MYO15B: variants seen among roughly 807,000 people sequenced by gnomAD.
MYO15B encodes myosin XVB, also known as myosin XVB pseudogene.
Under a neutral mutation model 119.3 loss-of-function variants are expected in MYO15B, and 207 were observed. That is an observed-to-expected ratio of 1.73 (90% CI 1.55 to 1.95). MYO15B has a LOEUF of 1.95. Ranked by LOEUF, MYO15B falls within the 30% of genes most tolerant of loss-of-function variation. The pLI, the probability that MYO15B is intolerant of heterozygous loss-of-function variation, is 0.00. For missense variants in MYO15B, 2,264 were observed against 1,203.1 expected (o/e 1.88, Z -13.04); for synonymous variants, 966 against 498.9 (o/e 1.94, Z -12.48).
chr17:75,612,995 G>A (rs908260315), exon 27 of MYO15B: 39 of 692,586 alleles, frequency 5.6e-5, no homozygotes, highest in African/African-American at 1.2e-4. Flanking sequence ...CCTGGGGGAC[G>A]GATCCCTGGA....
At chr17:75,603,099 C>T in intron 18 of MYO15B, 22 bp downstream of exon 18, 1 of 703,254 alleles carries the variant, frequency 1.4e-6, no homozygotes. Context: ...AGCAACTGGC[C>T]TCAGGGCCCT....
chr17:75,589,196 T>TGCGGCGGCGGCTGCGGCTGCG lies in MYO15B; in HGVS notation c.1148_1168dup (p.Arg383_Arg389dup). 6.1e-6 allele frequency: 2 copies of TGCGGCGGCGGCTGCGGCTGCG among 329,362 alleles called. No homozygotes were observed. Among genetic ancestry groups the TGCGGCGGCGGCTGCGGCTGCG allele is most frequent in the Non-Finnish European group, 1.1e-5 (2 of 189,442 alleles). 20.4% of individuals were successfully genotyped at this position (329,362 alleles called of 1,614,324 possible). A position where few individuals can be genotyped will look rare whatever the true frequency, so the allele number is the denominator to read the frequency against. ...CGAGCCCTGGGCCTCCTGCGCTGGC[T>TGCGGCGGCGGCTGCGGCTGCG]GCGGCGGCGGCTGCGGCTGCGGCGG... On this transcript the variant is annotated inframe_insertion, in exon 1 of 64. Transcript: ENST00000645453. The surrounding 1 kb of genome is among the most constrained non-coding windows in gnomAD (Gnocchi z 4.2).
Position 75,616,164 on chromosome 17 carries a change from T to G in MYO15B, c.6109+17T>G. ...AGAGGATGGGTGAGGGCACTTGGGGTGGCAGGACCGTGCAGAAACATGGCC... is the reference window on the plus strand; with the variant it reads ...AGAGGATGGGTGAGGGCACTTGGGGGGGCAGGACCGTGCAGAAACATGGCC... On this transcript the variant is annotated intron_variant, in intron 37 of 63. Coordinates refer to ENST00000645453, the Ensembl canonical transcript of MYO15B. The G allele has an allele frequency of 1.8e-6, 1 of 564,816 alleles. No homozygotes were observed. Among genetic ancestry groups the G allele is most frequent in the Admixed American group, 3.5e-5 (1 of 28,754 alleles). The allele number at this position is 564,816 out of a possible 1,614,324, so 35.0% of individuals were successfully genotyped here.
intron 4 of MYO15B, 96 bp from the exon 5 acceptor site, chr17:75,591,505 G>C: frequency 1.5e-6 from 1 of 687,514 alleles, no homozygotes. Flanking sequence ...CTCCAGGCTA[G>C]CTGTCACTTC....
At chr17:75,604,230 A>C (rs2057470397) in intron 19 of MYO15B, among the ~76,000 whole-genome samples, 4 of 152,136 alleles carry the variant, frequency 2.6e-5, no homozygotes, top group Admixed American at 2.0e-4. Context: ...TGAGCCCGGA[A>C]GCTGGGTGAG....
intron 21 of MYO15B, among the ~76,000 whole-genome samples, chr17:75,607,541 G>T (rs2057736287): frequency 6.6e-6 from 1 of 151,334 alleles, no homozygotes; most frequent in Non-Finnish European, 1.5e-5. Context: ...ACCTCTGCCT[G>T]CCAGGTTCAA....
chr17:75,605,401 T>TACGC (rs2057572105), intron 19 of MYO15B, 103 bp from the exon 20 acceptor site: 25 of 623,232 alleles, frequency 4.0e-5, no homozygotes, highest in Non-Finnish European at 8.6e-6. Context: ...CGCGCCACTG[T>TACGC]ACTCCCGCCT....
rs535156968 is a variant in MYO15B, at chr17:75,601,594, ATCAGCGAGGGCAGTGTCCCC to A, written c.3651+34_3651+53del. ...TGGCCTCAGGGACAGACCAGGGTGA[ATCAGCGAGGGCAGTGTCCCC>A]TCCCAAGCTGAGTCACCCGACAGCG... On this transcript the variant is annotated intron_variant, in intron 15 of 63. Transcript: ENST00000645453. 6.3e-5 allele frequency: 44 copies of A among 699,506 alleles called. 1 individual carries two copies. The African/African-American group carries it at 6.8e-4, about 11-fold the overall frequency. The allele number at this position is 699,506 out of a possible 1,614,324, so 43.3% of individuals were successfully genotyped here. A position where few individuals can be genotyped will look rare whatever the true frequency, so the allele number is the denominator to read the frequency against.
At chr17:75,608,675 A>G (rs2057809015) in intron 21 of MYO15B, among the ~76,000 whole-genome samples, 1 of 152,082 alleles carries the variant, frequency 6.6e-6, no homozygotes, top group Non-Finnish European at 1.5e-5. Flanking sequence ...TTCGTGCCTC[A>G]GCCTCTGGAG....
chr17:75,600,218 G>A (rs1456231670), intron 14 of MYO15B, among the ~76,000 whole-genome samples: 3 of 151,658 alleles, frequency 2.0e-5, no homozygotes, highest in East Asian at 3.9e-4. Flanking sequence ...TAGTAAAGAC[G>A]GGGTTTCACC....
exon 42 of MYO15B, chr17:75,617,839 G>A (rs757214727): frequency 1.4e-6 from 1 of 702,904 alleles, no homozygotes; most frequent in South Asian, 1.5e-5. Flanking sequence ...GGACCAGGGG[G>A]TCTCCACCCA....
chr17:75,625,316 C>T (rs994901090), intron 60 of MYO15B, 78 bp downstream of exon 60: 2 of 645,910 alleles, frequency 3.1e-6, no homozygotes, highest in Non-Finnish European at 5.7e-6. Context: ...CCCTTCCTGG[C>T]CCTAAATGGA....
chr17:75,596,461 C>T (rs191712832), exon 13 of MYO15B: 2 of 702,960 alleles, frequency 2.8e-6, no homozygotes, highest in East Asian at 5.4e-5. Context: ...TGCCCCCAGG[C>T]CCTGCGGGTG....
intron 53 of MYO15B, among the ~76,000 whole-genome samples, chr17:75,623,315 A>G (rs1403456770): frequency 6.6e-6 from 1 of 151,398 alleles, no homozygotes; most frequent in African/African-American, 2.4e-5. Context: ...ACAGGGCAAG[A>G]CTGTCTCAAA....
At chr17:75,603,158 G>T in intron 18 of MYO15B, 30 bp from the exon 19 acceptor site, 1 of 703,106 alleles carries the variant, frequency 1.4e-6, no homozygotes, top group Non-Finnish European at 2.6e-6. Flanking sequence ...CTTGACTCCA[G>T]CTGTCTTTGG....
chr17:75,626,423 A>G, exon 64 of MYO15B: 3 of 703,228 alleles, frequency 4.3e-6, no homozygotes, highest in Non-Finnish European at 7.8e-6. Context: ...GAGCTGCTAT[A>G]CACCACTGTC....
Position 75,589,348 on chromosome 17 carries a change from G to T in MYO15B, c.1291G>T (p.Glu431Ter). 2.8e-6 allele frequency: 1 copy of T among 358,734 alleles called. No individual in the cohort carries two copies. Among genetic ancestry groups the T allele is most frequent in the Non-Finnish European group, 4.8e-6 (1 of 208,558 alleles). The allele number at this position is 358,734 out of a possible 1,614,324, so 22.2% of individuals were successfully genotyped here. The change falls in exon 1 of 64, where the codon GAA (glutamate) becomes TAA (stop). Residue 431 changes from glutamate to a stop codon, truncating the protein, a stop_gained. Coordinates refer to ENST00000645453, the Ensembl canonical transcript of MYO15B. LOFTEE classifies it high-confidence loss of function. This position sits in a 1 kb window ranked among gnomAD's most constrained non-coding sequence, Gnocchi z 4.2. ...GGGGCGGGGCCGCGGGAAAGCGGAT[G>T]AAGGGCGGGGCCACGAGCGAGGGGA...
At position 75,589,589 on chromosome 17, in the gene MYO15B, C is replaced by G. The variant is rs2056310422; in HGVS notation, c.1532C>G (p.Pro511Arg). ...GGCTTAGCAGGGCTGGGGGGTATGC[C>G]GAGGGCTTCCCCTGGTGGCCGCTCC... Residue 511 changes from proline to arginine, a missense_variant, in exon 1 of 64, where the codon CCG becomes CGG. Coordinates refer to ENST00000645453, the Ensembl canonical transcript of MYO15B. This position sits in a 1 kb window ranked among gnomAD's most constrained non-coding sequence, Gnocchi z 4.2. The G allele has an allele frequency of 2.5e-6, 1 of 398,700 alleles. No homozygotes were observed. The highest frequency in any genetic ancestry group is 4.4e-5 in the Admixed American group (1 of 22,704). The allele number at this position is 398,700 out of a possible 1,614,324, so 24.7% of individuals were successfully genotyped here. A position where few individuals can be genotyped will look rare whatever the true frequency, so the allele number is the denominator to read the frequency against.
intron 30 of MYO15B, 55 bp from the exon 31 acceptor site, chr17:75,614,528 G>A (rs1478506511): frequency 1.6e-5 from 10 of 617,200 alleles, no homozygotes; most frequent in Non-Finnish European, 3.0e-5. Flanking sequence ...TCTTGCCCCA[G>A]CCTGGGTGAC....
Sources: gnomAD v4.1 joint callset for allele counts (sites outside exome capture counted in the v4.1 genomes callset) on GRCh38, gnomAD v4.1.1 for gene constraint, Gnocchi (gnomAD v3.1) non-coding constraint, MANE v1.5 for transcripts, NCBI Gene and HGNC (gene_info 2026-07-23, HGNC 2026-07-21) for gene names.